ABHD1: variants seen among roughly 807,000 people sequenced by gnomAD.
The protein encoded by ABHD1 is abhydrolase domain containing 1, also known as protein ABHD1.
In ABHD1, 47 loss-of-function variants were observed where a neutral mutation model predicts 41.4. The observed-to-expected ratio is 1.13, with a 90% CI of 0.90 to 1.45. The LOEUF (loss-of-function observed/expected upper bound fraction) is 1.45. Among genes scored for constraint, ABHD1 ranks in the 40% most tolerant of loss-of-function variants. The pLI, the probability that ABHD1 is intolerant of heterozygous loss-of-function variation, is 0.00. For synonymous variants in ABHD1, 205 were observed against 203.7 expected (o/e 1.01, Z -0.05); for missense variants, 550 against 503.4 (o/e 1.09, Z -0.89).
At chr2:27,130,035 T>C (rs926073398) in intron 6 of ABHD1, 70 bp from the exon 7 acceptor site, 46 of 1,610,986 alleles carry the variant, frequency 2.9e-5, no homozygotes, top group East Asian at 6.7e-5. Flanking sequence ...ACACATGAGA[T>C]AGTAAGACAG....
intron 1 of ABHD1, 135 bp from the exon 2 acceptor site, chr2:27,128,306 T>C: frequency 1.9e-6 from 2 of 1,037,920 alleles, no homozygotes; most frequent in Non-Finnish European, 2.9e-6. Context: ...CTGTGCTGAG[T>C]ATCTCACATG....
At chr2:27,127,613 G>A (rs2148411273) in intron 1 of ABHD1, among the ~76,000 whole-genome samples, 1 of 149,012 alleles carries the variant, frequency 6.7e-6, no homozygotes, top group South Asian at 2.1e-4. Context: ...CCAGGCTGGA[G>A]TGCAGTGGCA....
intron 1 of ABHD1, chr2:27,126,819 A>C (rs1671974962): frequency 6.6e-6 from 1 of 152,210 alleles, no homozygotes; most frequent in Non-Finnish European, 1.5e-5. Context: ...GAAGCCCCTT[A>C]GGCCAGACGC....
Position 27,130,315 on chromosome 2 carries a change from T to A in ABHD1, c.905T>A (p.Val302Asp). ...TSVAFGYQDCVTYYKAASPRT... is the reference protein window; with the variant it reads ...TSVAFGYQDCDTYYKAASPRT... ...GTGGCCTTTGGATATCAAGACTGTG[T>A]TACCTACTACAAAGCAGCAAGCCCT... The change falls in exon 8 of 9, where the codon GTT becomes GAT. Residue 302 changes from valine to aspartate, a missense_variant. Coordinates refer to ENST00000316470, the MANE Select transcript of ABHD1 (RefSeq NM_032604.4). The A allele has an allele frequency of 6.2e-7, 1 of 1,614,130 alleles. No individual in the cohort carries two copies. Among genetic ancestry groups the A allele is most frequent in the Non-Finnish European group, 8.5e-7 (1 of 1,180,024 alleles).
Position 27,130,130 on chromosome 2 carries a change from G to A in ABHD1, c.817G>A (p.Val273Met). 1 of 1,614,164 alleles carries A rather than the reference G, an allele frequency of 6.2e-7. No individual in the cohort carries two copies. The change falls in exon 7 of 9, where the codon GTG becomes ATG. Residue 273 changes from valine (V) to methionine (M), a missense_variant. By Grantham distance (21) the Val-to-Met change is conservative. Coordinates refer to ENST00000316470, the MANE Select transcript of ABHD1 (RefSeq NM_032604.4). ...ERNRKVIEKVVDIDFVLQART... is the reference protein window; with the variant it reads ...ERNRKVIEKVMDIDFVLQART... ...AAACAGAAAGGTGATTGAAAAGGTG[G>A]TGGACATAGACTTTGTACTACAGGT...
chr2:27,127,907 G>A (rs538873540), intron 1 of ABHD1, among the ~76,000 whole-genome samples: 1 of 152,244 alleles, frequency 6.6e-6, no homozygotes, highest in Non-Finnish European at 1.5e-5. Context: ...GAATGGTGCT[G>A]CATTTCTTCA....
At position 27,129,776 on chromosome 2, in the gene ABHD1, G is replaced by A. The variant is rs1254101373; in HGVS notation, c.640G>A (p.Ala214Thr). 1 of 1,614,094 alleles carries A rather than the reference G, an allele frequency of 6.2e-7. No individual in the cohort carries two copies. The highest frequency in any genetic ancestry group is 1.1e-5 in the South Asian group (1 of 91,092). Reference sequence around the variant, plus strand: ...CAGGATACTGGTGCTGAATCACCTGGCACAGGCCAGGCAGGCTGCAGGGCT... The same window carrying A: ...CAGGATACTGGTGCTGAATCACCTGACACAGGCCAGGCAGGCTGCAGGGCT... ...FGGILVLNHL[A>T]QARQAAGLVA... The change falls in exon 6 of 9, where the codon GCA (alanine) becomes ACA (threonine). Residue 214 changes from alanine to threonine, a missense_variant. Coordinates refer to ENST00000316470, the MANE Select transcript of ABHD1 (RefSeq NM_032604.4).
intron 1 of ABHD1, 134 bp downstream of exon 1, chr2:27,124,196 G>A (rs28485121): frequency 8.5e-6 from 7 of 823,758 alleles, no homozygotes; most frequent in Admixed American, 2.0e-5. Flanking sequence ...ACCGAATGGA[G>A]AGTCGGCTCT....
chr2:27,125,478 T>C (rs1277589431), intron 1 of ABHD1: 1 of 152,218 alleles, frequency 6.6e-6, no homozygotes, highest in Non-Finnish European at 1.5e-5. Flanking sequence ...ACTAATTCAT[T>C]CTCAGGAGGG....
rs777633358 is a variant in ABHD1 at position 27,124,042 on chromosome 2, T to A, written c.94T>A (p.Tyr32Asn). ...ALAVALYLGY[Y>N]WACVLQRPRL... ...TGCCGTTGCCCTCTACTTGGGCTAC[T>A]ACTGGGCATGTGTGCTTCAGGTGGG... Residue 32 changes from tyrosine to asparagine, a missense_variant, in exon 1 of 9, where the codon TAC becomes AAC. Coordinates refer to ENST00000316470, the MANE Select transcript of ABHD1 (RefSeq NM_032604.4). 1 of 1,614,198 alleles carries A rather than the reference T, an allele frequency of 6.2e-7. No individual in the cohort carries two copies. Among genetic ancestry groups the A allele is most frequent in the Non-Finnish European group, 8.5e-7 (1 of 1,180,014 alleles).
Position 27,128,474 on chromosome 2 carries a change from G to T in ABHD1, c.148G>T (p.Ala50Ser). ...GCTGGTGGCTGGGCCGCAGTTTCTG[G>T]CCTTCCTGGAGCCACACTGTTCCAT... ...PRLVAGPQFL[A>S]FLEPHCSITT... Residue 50 changes from alanine (A) to serine (S), a missense_variant, in exon 2 of 9, where the codon GCC becomes TCC. Physicochemically the swap from Ala to Ser is moderately conservative, Grantham distance 99 (BLOSUM62 1). Transcript: ENST00000316470. The T allele has an allele frequency of 6.2e-7, 1 of 1,614,014 alleles. No homozygotes were observed. Among genetic ancestry groups the T allele is most frequent in the Non-Finnish European group, 8.5e-7 (1 of 1,179,996 alleles).
Position 27,130,149 on chromosome 2 carries a change from T to A in ABHD1, c.836T>A (p.Leu279Gln). ...IEKVVDIDFV[L>Q]QARTIRQFDE... ...AAGGTGGTGGACATAGACTTTGTAC[T>A]ACAGGTATAATATTCAGCCATGCCC... is the stretch of plus-strand genomic sequence containing the variant. The change falls in exon 7 of 9, where the codon CTA (leucine) becomes CAA (glutamine). Residue 279 changes from leucine to glutamine, a missense_variant. By Grantham distance (113) the Leu-to-Gln change is moderately radical. Coordinates refer to ENST00000316470, the MANE Select transcript of ABHD1 (RefSeq NM_032604.4). The A allele has an allele frequency of 6.2e-7, 1 of 1,614,230 alleles. No individual in the cohort carries two copies. Among genetic ancestry groups the A allele is most frequent in the Non-Finnish European group, 8.5e-7 (1 of 1,180,044 alleles).
chr2:27,124,454 C>A, intron 1 of ABHD1: 2 of 360,912 alleles, frequency 5.5e-6, no homozygotes, highest in Non-Finnish European at 1.1e-5. Context: ...CACCCACCCC[C>A]CAAATAGCTT....
chr2:27,129,585 T>G lies in ABHD1; in HGVS notation c.576T>G (p.Tyr192Ter). The G allele has an allele frequency of 6.2e-7, 1 of 1,613,882 alleles. No homozygotes were observed. The highest frequency in any genetic ancestry group is 8.5e-7 in the Non-Finnish European group (1 of 1,180,046). The change falls in exon 5 of 9, where the codon TAT becomes TAG. Residue 192 changes from tyrosine (Y) to a stop codon, truncating the protein, a stop_gained. Coordinates refer to ENST00000316470, the MANE Select transcript of ABHD1 (RefSeq NM_032604.4). LOFTEE classifies it high-confidence loss of function. ...TCGTGAACCACATAAAGCATCGTTA[T>G]CCCCAAGCTCCACTGCTGGCCGTGG... ...ETVVNHIKHR[Y>*]PQAPLLAVGI...
chr2:27,129,114 A>G lies in ABHD1; in HGVS notation c.445A>G (p.Arg149Gly). 1.2e-6 allele frequency: 2 copies of G among 1,613,008 alleles called. No individual in the cohort carries two copies. Among genetic ancestry groups the G allele is most frequent in the Non-Finnish European group, 1.7e-6 (2 of 1,179,752 alleles). ...CTTGCACCTAGTTAACCAAGCTCTG[A>G]GGGATGGCTACCAGTAAGGATGGGT... ...YVLHLVNQAL[R>G]DGYQAVVFNN... The change falls in exon 3 of 9, where the codon AGG (arginine) becomes GGG (glycine). Residue 149 changes from arginine to glycine, a missense_variant. Transcript: ENST00000316470.
intron 1 of ABHD1, 157 bp from the exon 2 acceptor site, chr2:27,128,284 C>T: frequency 1.2e-6 from 1 of 857,264 alleles, no homozygotes; most frequent in Non-Finnish European, 1.9e-6. Flanking sequence ...CAGACTTGGC[C>T]ATTCAACTGA....
intron 1 of ABHD1, 171 bp downstream of exon 1, chr2:27,124,233 G>C: frequency 1.4e-6 from 1 of 713,888 alleles, no homozygotes; most frequent in Non-Finnish European, 2.5e-6. Context: ...TGCATCCCAT[G>C]TGATCCCCAT....
intron 6 of ABHD1, 76 bp downstream of exon 6, chr2:27,130,003 T>C: frequency 6.2e-7 from 1 of 1,609,800 alleles, no homozygotes; most frequent in South Asian, 1.1e-5. Context: ...TAGTGCTTGG[T>C]CAGTTCTCTC....
intron 7 of ABHD1, 29 bp from the exon 8 acceptor site, chr2:27,130,222 C>T: frequency 6.2e-7 from 1 of 1,614,220 alleles, no homozygotes; most frequent in Non-Finnish European, 8.5e-7. Context: ...TCTTTATCAT[C>T]TTAGCCTATC....
Sources: gnomAD v4.1 joint callset for allele counts (sites outside exome capture counted in the v4.1 genomes callset) on GRCh38, gnomAD v4.1.1 for gene constraint, MANE v1.5 for transcripts, NCBI Gene and HGNC (gene_info 2026-07-23, HGNC 2026-07-21) for gene names.